Variants in PDE7B observed in about 807,000 individuals in gnomAD.
PDE7B encodes 3',5'-cyclic-AMP phosphodiesterase 7B.
PDE7B carries 29 observed loss-of-function variants against 56.2 expected under a neutral mutation model. The ratio of observed to expected loss-of-function variants is 0.52; its 90% CI spans 0.38 to 0.70. The LOEUF (loss-of-function observed/expected upper bound fraction) is 0.70, where lower values mean the gene tolerates loss of function less well. Among genes scored for constraint, PDE7B ranks in the 30% least tolerant of loss-of-function variants. PDE7B has a pLI of 0.00. For missense variants in PDE7B, 490 were observed against 565.0 expected, an observed-to-expected ratio of 0.87 and a Z score of 1.35; for synonymous variants, 197 against 196.9, an observed-to-expected ratio of 1.00 and a Z score of 0.00.
rs542432795 is a variant in PDE7B, at chr6:136,168,753, G to A, written c.712-5044G>A. 1.7e-4 allele frequency among the ~76,000 whole-genome samples: 26 copies of A among 152,160 alleles called. No individual in the cohort carries two copies. The South Asian group carries it at 5.2e-3, about 30-fold the overall frequency. ...TGAACAATGAGTTCTCCCCCAAGAC[G>A]ACCTAAATCTACTCAATCATTATTC... On this transcript the variant is annotated intron_variant, in intron 8 of 12. Coordinates refer to ENST00000308191, the MANE Select transcript of PDE7B (RefSeq NM_018945.4).
intron 2 of PDE7B, among the ~76,000 whole-genome samples, chr6:136,107,531 A>T (rs2128217831): frequency 6.6e-6 from 1 of 152,338 alleles, no homozygotes; most frequent in Non-Finnish European, 1.5e-5. Flanking sequence ...GATATGCATG[A>T]TCCCTGCTTT....
At chr6:136,084,113 G>C (rs1777249446) in intron 2 of PDE7B, among the ~76,000 whole-genome samples, 1 of 152,012 alleles carries the variant, frequency 6.6e-6, no homozygotes, top group Non-Finnish European at 1.5e-5. Flanking sequence ...AAGGTCTATA[G>C]GAAATCATTT....
chr6:136,179,857 A>G (rs1350446592), intron 10 of PDE7B, among the ~76,000 whole-genome samples: 17 of 152,314 alleles, frequency 1.1e-4, no homozygotes, highest in African/African-American at 4.1e-4. Context: ...ATTGAACTGA[A>G]TTGAATTACA....
At chr6:136,026,351 A>G (rs190290349) in intron 2 of PDE7B, among the ~76,000 whole-genome samples, 9 of 152,200 alleles carry the variant, frequency 5.9e-5, no homozygotes, top group Admixed American at 1.3e-4. Context: ...GGTTGTGGCA[A>G]AGATCTAAAA....
rs1296931045 is a variant in PDE7B at position 136,037,791 on chromosome 6, TAA to T, written c.83-70939_83-70938del. 4.1e-6 allele frequency: 4 copies of T among 985,248 alleles called. No individual in the cohort carries two copies. In the African/African-American group the frequency reaches 7.0e-5, roughly 17 times the overall value. The allele number at this position is 985,248 out of a possible 1,614,324, so 61.0% of individuals were successfully genotyped here. A position where few individuals can be genotyped will look rare whatever the true frequency, so the allele number is the denominator to read the frequency against. ...CTTAAGAGCTAAGCCGACAAAGAGC[TAA>T]GAGTCAACAAACTTTGACAAGCACC... On this transcript the variant is annotated intron_variant, in intron 2 of 12. Coordinates refer to ENST00000308191, the MANE Select transcript of PDE7B (RefSeq NM_018945.4).
chr6:135,884,126 T>A lies in PDE7B; in HGVS notation c.21+32107T>A, dbSNP rs773560267. Among the ~76,000 whole-genome samples the A allele has an allele frequency of 1.1e-3, 168 of 152,336 alleles. 2 individuals carry two copies. The highest frequency in any genetic ancestry group is 1.8e-3 in the Non-Finnish European group (121 of 68,028). On this transcript the variant is annotated intron_variant, in intron 1 of 12. Coordinates refer to ENST00000308191, the MANE Select transcript of PDE7B (RefSeq NM_018945.4). ...CTCATATCCCACACATCTGCAGAGT[T>A]TGCTTGCCAGTACTGTCCATGTGGG...
intron 2 of PDE7B, among the ~76,000 whole-genome samples, chr6:136,002,014 C>A (rs1775677880): frequency 6.6e-6 from 1 of 152,124 alleles, no homozygotes; most frequent in African/African-American, 2.4e-5. Context: ...GGCAGAAACT[C>A]TATAAGCCAG....
chr6:135,954,892 T>C (rs577343661), intron 2 of PDE7B, among the ~76,000 whole-genome samples: 45 of 152,134 alleles, frequency 3.0e-4, no homozygotes, highest in Non-Finnish European at 5.4e-4. Flanking sequence ...ACAGAACACC[T>C]CATTTTTGAA....
intron 2 of PDE7B, among the ~76,000 whole-genome samples, chr6:136,053,093 T>C (rs1289801287): frequency 6.6e-6 from 1 of 152,182 alleles, no homozygotes; most frequent in African/African-American, 2.4e-5. Flanking sequence ...AGTTTTAGGG[T>C]ACATGTGCAC....
At chr6:136,152,060 G>A (rs1257750792) in intron 6 of PDE7B, among the ~76,000 whole-genome samples, 1 of 152,190 alleles carries the variant, frequency 6.6e-6, no homozygotes, top group Non-Finnish European at 1.5e-5. Flanking sequence ...AGTAGGCTGA[G>A]GAAGAAGAGG....
intron 2 of PDE7B, among the ~76,000 whole-genome samples, chr6:136,062,022 A>G (rs1006390318): frequency 1.3e-5 from 2 of 152,170 alleles, no homozygotes; most frequent in Non-Finnish European, 2.9e-5. Flanking sequence ...GTAAAATAGC[A>G]TGTGATGCTT....
At position 136,038,214 on chromosome 6, in the gene PDE7B, A is replaced by ACAGCAGCAGCAGCAGCAG. The variant is rs781300434; in HGVS notation, c.83-70503_83-70502insGCAGCAGCAGCAGCAGCA. The stretch of plus-strand genomic sequence containing the variant: ...AGCAGCAGCAGCAGCAGAAGCAGAA[A>ACAGCAGCAGCAGCAGCAG]CAGCAGCAGCAGCAACAGCAGCAGC... On this transcript the variant is annotated intron_variant, in intron 2 of 12. Coordinates refer to ENST00000308191, the MANE Select transcript of PDE7B (RefSeq NM_018945.4). 8 of 1,299,124 alleles carry ACAGCAGCAGCAGCAGCAG rather than the reference A, an allele frequency of 6.2e-6. No homozygotes were observed. In the South Asian group the frequency reaches 9.8e-5, roughly 16 times the overall value. The allele number at this position is 1,299,124 out of a possible 1,614,324, so 80.5% of individuals were successfully genotyped here. A position where few individuals can be genotyped will look rare whatever the true frequency, so the allele number is the denominator to read the frequency against.
intron 2 of PDE7B, among the ~76,000 whole-genome samples, chr6:136,036,534 G>T (rs550323504): frequency 2.0e-5 from 3 of 152,106 alleles, no homozygotes; most frequent in Non-Finnish European, 4.4e-5. Context: ...TGGATTTAGA[G>T]AAATAATAAA....
At position 136,191,660 on chromosome 6, in the gene PDE7B, T is replaced by C. The variant is rs1348506388; in HGVS notation, c.1173T>C (p.His391=). ...IVEPLFREWA[H]FTGNSTLSEN... is the part of the protein sequence containing the mutation. ...AGCCGCTCTTCCGGGAATGGGCCCA[T>C]TTCACGGGTAACAGCACCCTGTCGG... Residue 391 remains histidine, a synonymous_variant, in exon 13 of 13, where the codon CAT becomes CAC. Coordinates refer to ENST00000308191, the MANE Select transcript of PDE7B (RefSeq NM_018945.4). 6.2e-7 allele frequency: 1 copy of C among 1,614,052 alleles called. No homozygotes were observed. Among genetic ancestry groups the C allele is most frequent in the Admixed American group, 1.7e-5 (1 of 60,024 alleles).
At chr6:135,926,076 T>C (rs559220113) in intron 1 of PDE7B, among the ~76,000 whole-genome samples, 2 of 72,654 alleles carry the variant, frequency 2.8e-5, no homozygotes, top group Admixed American at 1.3e-4. Context: ...TTCTGTTTTT[T>C]CTTTTTTTTG....
chr6:136,000,200 G>A (rs559609294), intron 2 of PDE7B, among the ~76,000 whole-genome samples: 1 of 152,188 alleles, frequency 6.6e-6, no homozygotes, highest in South Asian at 2.1e-4. Flanking sequence ...TCTGTAGGTT[G>A]TCTGTTCAAT....
intron 1 of PDE7B, among the ~76,000 whole-genome samples, chr6:135,863,044 T>C (rs1775180941): frequency 1.3e-5 from 2 of 151,984 alleles, no homozygotes; most frequent in Admixed American, 6.6e-5. Flanking sequence ...GATCTTTGAA[T>C]TTTTTGAAAC....
chr6:136,105,432 T>C (rs1777630566), intron 2 of PDE7B, among the ~76,000 whole-genome samples: 1 of 152,246 alleles, frequency 6.6e-6, no homozygotes, highest in Non-Finnish European at 1.5e-5. Flanking sequence ...TCTATGAGTC[T>C]GAACAAATTA....
intron 2 of PDE7B, among the ~76,000 whole-genome samples, chr6:136,048,289 C>T (rs569649819): frequency 1.3e-5 from 2 of 152,042 alleles, no homozygotes; most frequent in African/African-American, 2.4e-5. Flanking sequence ...TTTGGGAGGC[C>T]GAGGCAGGTG....
Sources: gnomAD v4.1 joint callset for allele counts (sites outside exome capture counted in the v4.1 genomes callset) on GRCh38, gnomAD v4.1.1 for gene constraint, MANE v1.5 for transcripts, NCBI Gene and HGNC (gene_info 2026-07-23, HGNC 2026-07-21) for gene names.